RNF220: variants seen among roughly 807,000 people sequenced by gnomAD.
The protein encoded by RNF220 is ring finger protein 220.
In RNF220, 7 loss-of-function variants were observed where a neutral mutation model predicts 67.1. That is an observed-to-expected ratio of 0.10 (90% CI 0.06 to 0.20). The LOEUF (loss-of-function observed/expected upper bound fraction) is 0.20. Among genes scored for constraint, RNF220 ranks in the 10% least tolerant of loss-of-function variants. The probability of loss-of-function intolerance (pLI) is 1.00; values close to 1 mark genes in which losing one functional copy is unlikely to be tolerated. For synonymous variants in RNF220, 270 were observed against 283.2 expected, an observed-to-expected ratio of 0.95 and a Z score of 0.47; for missense variants, 565 against 740.3, an observed-to-expected ratio of 0.76 and a Z score of 2.75.
chr1:44,645,330 G>T lies in RNF220; in HGVS notation c.1366+54G>T. On this transcript the variant is annotated intron_variant, in intron 11 of 14. Transcript: ENST00000361799. The surrounding 1 kb of genome is among the most constrained non-coding windows in gnomAD (Gnocchi z 5.0). ...GGGGGAGAGGGGGTATCCCTAGATG[G>T]TGGTGACTGACTCAAGCCCAACCCC... The T allele has an allele frequency of 6.2e-7, 1 of 1,612,954 alleles. No homozygotes were observed. The highest frequency in any genetic ancestry group is 1.3e-5 in the African/African-American group (1 of 74,972).
rs1644735197 is a variant in RNF220, at chr1:44,649,566, T to C, written c.1446-95T>C. 1 of 1,134,728 alleles carries C rather than the reference T, an allele frequency of 8.8e-7. No homozygotes were observed. Among genetic ancestry groups the C allele is most frequent in the African/African-American group, 1.5e-5 (1 of 65,372 alleles). 70.3% of individuals were successfully genotyped at this position (1,134,728 alleles called of 1,614,324 possible). A position where few individuals can be genotyped will look rare whatever the true frequency, so the allele number is the denominator to read the frequency against. ...GCAGGCAGGGATGCCTAGGGGACAT[T>C]TATGTATTTGGTTCTGGAATTCAAG... On this transcript the variant is annotated intron_variant, in intron 12 of 14. Transcript: ENST00000361799. This position sits in a 1 kb window ranked among gnomAD's most constrained non-coding sequence, Gnocchi z 5.9.
intron 2 of RNF220, among the ~76,000 whole-genome samples, chr1:44,462,371 A>G (rs1288953449): frequency 6.6e-6 from 1 of 152,190 alleles, no homozygotes; most frequent in Admixed American, 6.5e-5. Context: ...CAAAATATTG[A>G]CCAAAGGTAA....
At chr1:44,499,795 A>G (rs1657667236) in intron 2 of RNF220, among the ~76,000 whole-genome samples, 1 of 152,202 alleles carries the variant, frequency 6.6e-6, no homozygotes. Flanking sequence ...TCAAATGTTA[A>G]GTCCAAAACT....
chr1:44,558,848 C>T (rs1343134226), intron 2 of RNF220, among the ~76,000 whole-genome samples: 1 of 152,174 alleles, frequency 6.6e-6, no homozygotes, highest in Non-Finnish European at 1.5e-5. Context: ...TCTAGGTTAC[C>T]TGTCACCTGT....
chr1:44,511,916 C>CGTGTATGTGTGT (rs1553234668), intron 2 of RNF220, among the ~76,000 whole-genome samples: 1 of 147,706 alleles, frequency 6.8e-6, no homozygotes, highest in Non-Finnish European at 1.5e-5. Context: ...CGTGTGTGTG[C>CGTGTATGTGTGT]GTGTGTGTGT....
At chr1:44,571,272 A>C (rs886300442) in intron 2 of RNF220, among the ~76,000 whole-genome samples, 1 of 152,038 alleles carries the variant, frequency 6.6e-6, no homozygotes, top group Non-Finnish European at 1.5e-5. Flanking sequence ...TACCTTCCCC[A>C]TCAGAGCCTT....
At chr1:44,424,127 C>T (rs1475504005) in intron 2 of RNF220, 2 of 575,318 alleles carry the variant, frequency 3.5e-6, no homozygotes, top group Non-Finnish European at 4.4e-6. Flanking sequence ...TTCTTGACAG[C>T]CTTATGGTTA....
rs554930019 is a variant in RNF220 at position 44,619,388 on chromosome 1, C to G, written c.759-3354C>G. On this transcript the variant is annotated intron_variant, in intron 3 of 14. Transcript: ENST00000361799. Reference sequence around the variant, plus strand: ...GTGTGGAGATGGCAGTGCCCCCACCCCCACTTAAGCCTTATTTAAGGCCGG... The same window carrying G: ...GTGTGGAGATGGCAGTGCCCCCACCGCCACTTAAGCCTTATTTAAGGCCGG... Among the ~76,000 whole-genome samples, 83 of 152,226 alleles carry G rather than the reference C, an allele frequency of 5.5e-4. No individual in the cohort carries two copies. In the Middle Eastern group the frequency reaches 0.01, roughly 19 times the overall value.
chr1:44,638,539 C>T (rs949544361), intron 8 of RNF220: 3 of 152,270 alleles, frequency 2.0e-5, no homozygotes, highest in Non-Finnish European at 4.4e-5. Context: ...ACCCCCATCC[C>T]TCCTCCCAGA....
chr1:44,430,150 A>T (rs1288182772), intron 2 of RNF220, among the ~76,000 whole-genome samples: 2 of 151,966 alleles, frequency 1.3e-5, no homozygotes, highest in Admixed American at 1.3e-4. Context: ...TGTCAGAGAG[A>T]TACATATGAA....
intron 3 of RNF220, among the ~76,000 whole-genome samples, chr1:44,616,864 A>G (rs1193757307): frequency 1.3e-5 from 2 of 152,100 alleles, no homozygotes; most frequent in Non-Finnish European, 2.9e-5. Flanking sequence ...GCCACACTAC[A>G]GTGCAGTCCC....
intron 2 of RNF220, among the ~76,000 whole-genome samples, chr1:44,560,153 A>G (rs1029091206): frequency 1.3e-5 from 2 of 152,176 alleles, no homozygotes; most frequent in Non-Finnish European, 2.9e-5. Context: ...TGAGTGGGGA[A>G]CTGGGTCTAA....
At chr1:44,614,100 G>C in intron 2 of RNF220, 65 bp from the exon 3 acceptor site, 2 of 1,599,914 alleles carry the variant, frequency 1.3e-6, no homozygotes, top group Non-Finnish European at 1.7e-6. Context: ...TCAGGACTGG[G>C]ATGCTGGGTC....
At chr1:44,630,827 T>C (rs551023413) in intron 5 of RNF220, among the ~76,000 whole-genome samples, 4 of 152,160 alleles carry the variant, frequency 2.6e-5, no homozygotes, top group East Asian at 1.9e-4. Flanking sequence ...AGGGAGAGAA[T>C]AGGAGTGAGA....
chr1:44,648,032 G>C (rs1471403509), intron 12 of RNF220, among the ~76,000 whole-genome samples: 1 of 152,218 alleles, frequency 6.6e-6, no homozygotes, highest in African/African-American at 2.4e-5. Flanking sequence ...TCTTACTGTA[G>C]CACTTTGCCT....
chr1:44,450,839 G>A (rs1652595856), intron 2 of RNF220, among the ~76,000 whole-genome samples: 2 of 152,106 alleles, frequency 1.3e-5, no homozygotes, highest in African/African-American at 4.8e-5. Flanking sequence ...AGAAGTGGAA[G>A]TACTGAGTTA....
intron 2 of RNF220, among the ~76,000 whole-genome samples, chr1:44,421,712 A>C (rs1027172036): frequency 6.6e-6 from 1 of 152,080 alleles, no homozygotes; most frequent in African/African-American, 2.4e-5. Context: ...CCCTGAACGC[A>C]CAAATAAACT....
rs1644730365 is a variant in RNF220 at position 44,649,365 on chromosome 1, G to A, written c.1446-296G>A. 1 of 448,442 alleles carries A rather than the reference G, an allele frequency of 2.2e-6. No individual in the cohort carries two copies. The highest frequency in any genetic ancestry group is 2.3e-5 in the South Asian group (1 of 42,954). 27.8% of individuals were successfully genotyped at this position (448,442 alleles called of 1,614,324 possible). On this transcript the variant is annotated intron_variant, in intron 12 of 14. Transcript: ENST00000361799. The surrounding 1 kb of genome is among the most constrained non-coding windows in gnomAD (Gnocchi z 5.9). Reference sequence around the variant, plus strand: ...CATGGTGGTGAGGAGAGATGCCGGAGATACTAGGAGAGATGACAGATTTGG... The same window carrying A: ...CATGGTGGTGAGGAGAGATGCCGGAAATACTAGGAGAGATGACAGATTTGG...
intron 2 of RNF220, among the ~76,000 whole-genome samples, chr1:44,541,314 G>A (rs1455786540): frequency 6.6e-6 from 1 of 152,204 alleles, no homozygotes; most frequent in Admixed American, 6.5e-5. Flanking sequence ...TGTAGTCCCA[G>A]CTACTCGGGA....
Sources: allele counts gnomAD v4.1 joint callset (sites outside exome capture counted in the v4.1 genomes callset), GRCh38; gene constraint gnomAD v4.1.1; non-coding constraint Gnocchi (gnomAD v3.1); transcripts MANE v1.5; gene names NCBI Gene and HGNC (gene_info 2026-07-23, HGNC 2026-07-21).